XKR4: variants seen among roughly 807,000 people sequenced by gnomAD.
XKR4 encodes the protein XK-related protein 4.
A neutral mutation model predicts 53.9 loss-of-function variants in XKR4; 12 were observed. The ratio of observed to expected loss-of-function variants is 0.22; its 90% CI spans 0.14 to 0.36. The LOEUF is 0.36. Among genes scored for constraint, XKR4 ranks in the 10% least tolerant of loss-of-function variants. XKR4 has a pLI of 1.00. For missense variants in XKR4, 799 were observed against 859.5 expected, an observed-to-expected ratio of 0.93 and a Z score of 0.88; for synonymous variants, 354 against 362.4, an observed-to-expected ratio of 0.98 and a Z score of 0.26.
At chr8:55,334,705 G>C (rs1803433514) in intron 1 of XKR4, among the ~76,000 whole-genome samples, 1 of 152,162 alleles carries the variant, frequency 6.6e-6, no homozygotes, top group Non-Finnish European at 1.5e-5. Context: ...GATGGCCTGA[G>C]ATGTGTATGG....
intron 2 of XKR4, among the ~76,000 whole-genome samples, chr8:55,364,317 G>C (rs1462609523): frequency 6.6e-6 from 1 of 152,126 alleles, no homozygotes; most frequent in Non-Finnish European, 1.5e-5. Flanking sequence ...ACTTTGCCCA[G>C]CACATTCCAC....
chr8:55,523,160 A>T, intron 2 of XKR4, 121 bp from the exon 3 acceptor site: 2 of 831,494 alleles, frequency 2.4e-6, no homozygotes, highest in South Asian at 1.9e-5. Flanking sequence ...AAAAAAAAAG[A>T]AATTAAGAGT....
At chr8:55,451,512 G>T in intron 2 of XKR4, 1 of 1,054,264 alleles carries the variant, frequency 9.5e-7, no homozygotes, top group Non-Finnish European at 1.4e-6. Flanking sequence ...GTGCGTTCTG[G>T]GCCTTAAAGA....
At chr8:55,451,704 A>T in intron 2 of XKR4, 1 of 1,352,494 alleles carries the variant, frequency 7.4e-7, no homozygotes, top group South Asian at 1.2e-5. Flanking sequence ...GGTAGATGGC[A>T]TGCATGCGGT....
intron 1 of XKR4, among the ~76,000 whole-genome samples, chr8:55,125,537 G>GT (rs2129352436): frequency 6.6e-6 from 1 of 152,230 alleles, no homozygotes; most frequent in Admixed American, 6.5e-5. Flanking sequence ...CCCAGCCTTG[G>GT]TTTTTTATTT....
intron 1 of XKR4, among the ~76,000 whole-genome samples, chr8:55,153,449 A>G (rs978749395): frequency 5.3e-5 from 8 of 152,168 alleles, no homozygotes; most frequent in Non-Finnish European, 1.2e-4. Flanking sequence ...ATACACCAAC[A>G]TTTCAGCCTG....
chr8:55,160,814 G>A lies in XKR4; in HGVS notation c.806+57520G>A, dbSNP rs969863685. On this transcript the variant is annotated intron_variant, in intron 1 of 2. Coordinates refer to ENST00000327381, the MANE Select transcript of XKR4 (RefSeq NM_052898.2). ...GGACTGTTACATTTCTCTATTTCTA[G>A]CCCTTATCACAGTGTCTCTGGTATA... 1.1e-4 allele frequency among the ~76,000 whole-genome samples: 17 copies of A among 152,250 alleles called. 1 individual carries two copies. Among genetic ancestry groups the A allele is most frequent in the Admixed American group, 8.5e-4 (13 of 15,288 alleles).
intron 2 of XKR4, among the ~76,000 whole-genome samples, chr8:55,477,235 A>G (rs2129400749): frequency 6.6e-6 from 1 of 152,192 alleles, no homozygotes. Context: ...GTTCACCAAG[A>G]TCCGCTGTCC....
rs1806893325 is a variant in XKR4, at chr8:55,527,333, G to GCA, written c.*3107_*3108dup. ...ATTGGAAATGCTGGGTTCCTTATCT[G>GCA]CAGGCTCCTTTCTGTGTCTGAGTCC... is the stretch of plus-strand genomic sequence containing the variant. On this transcript the variant is annotated 3_prime_UTR_variant, in exon 3 of 3. Transcript: ENST00000327381. 1 of 152,204 alleles carries GCA rather than the reference G, an allele frequency of 6.6e-6. No homozygotes were observed. Among genetic ancestry groups the GCA allele is most frequent in the African/African-American group, 2.4e-5 (1 of 41,462 alleles). 9.4% of individuals were successfully genotyped at this position (152,204 alleles called of 1,614,324 possible). A position where few individuals can be genotyped will look rare whatever the true frequency, so the allele number is the denominator to read the frequency against.
intron 2 of XKR4, among the ~76,000 whole-genome samples, chr8:55,444,424 A>G (rs1219177013): frequency 1.3e-5 from 2 of 152,226 alleles, no homozygotes; most frequent in Admixed American, 6.5e-5. Context: ...ACTTCACAAA[A>G]CAGGAAAGAG....
intron 1 of XKR4, among the ~76,000 whole-genome samples, chr8:55,204,838 T>G (rs1431540688): frequency 6.6e-6 from 1 of 152,144 alleles, no homozygotes; most frequent in Admixed American, 6.5e-5. Flanking sequence ...AATGACAAAA[T>G]GGAAGAGAAT....
At chr8:55,319,505 T>TA (rs1010814977) in intron 1 of XKR4, among the ~76,000 whole-genome samples, 8 of 152,142 alleles carry the variant, frequency 5.3e-5, no homozygotes, top group African/African-American at 1.7e-4. Flanking sequence ...ATTGTAAGGA[T>TA]AAAAAAATGA....
chr8:55,163,837 T>C (rs1817023175), intron 1 of XKR4, among the ~76,000 whole-genome samples: 1 of 152,008 alleles, frequency 6.6e-6, no homozygotes. Context: ...AGAACAAGAC[T>C]CCGTCTCAAA....
rs1453651812 is a variant in XKR4 at position 55,537,490 on chromosome 8, T to C, written c.*13263T>C. 6.6e-6 allele frequency: 1 copy of C among 152,240 alleles called. No individual in the cohort carries two copies. Among genetic ancestry groups the C allele is most frequent in the Non-Finnish European group, 1.5e-5 (1 of 68,044 alleles). 9.4% of individuals were successfully genotyped at this position (152,240 alleles called of 1,614,324 possible). On this transcript the variant is annotated 3_prime_UTR_variant, in exon 3 of 3. Transcript: ENST00000327381. ...GACCAGTTTTCTTTAAGAGCACTTA[T>C]GTTGCAGAACATGATACAAATGATT...
At chr8:55,474,837 C>T (rs1805955101) in intron 2 of XKR4, among the ~76,000 whole-genome samples, 1 of 152,080 alleles carries the variant, frequency 6.6e-6, no homozygotes, top group South Asian at 2.1e-4. Context: ...CACCCAGGCA[C>T]CACATTATCA....
chr8:55,325,790 A>G (rs1803282899), intron 1 of XKR4, among the ~76,000 whole-genome samples: 1 of 152,224 alleles, frequency 6.6e-6, no homozygotes, highest in Non-Finnish European at 1.5e-5. Context: ...ACAATTGTTT[A>G]AAAATTGTCT....
chr8:55,442,658 G>A lies in XKR4; in HGVS notation c.1007-80623G>A, dbSNP rs888111104. On this transcript the variant is annotated intron_variant, in intron 2 of 2. Transcript: ENST00000327381. ...TTACTTAGCCTTAGAAAGGAATGAA[G>A]TACTGATAAATGCCACATGGATAAA... Among the ~76,000 whole-genome samples, 6 of 152,208 alleles carry A rather than the reference G, an allele frequency of 3.9e-5. 1 individual carries two copies. The highest frequency in any genetic ancestry group is 3.9e-4 in the Admixed American group (6 of 15,280).
At chr8:55,496,185 A>T (rs189054672) in intron 2 of XKR4, among the ~76,000 whole-genome samples, 3 of 152,296 alleles carry the variant, frequency 2.0e-5, no homozygotes, top group African/African-American at 7.2e-5. Context: ...GAGTGGAGGG[A>T]GCTGTTCGGG....
intron 1 of XKR4, among the ~76,000 whole-genome samples, chr8:55,327,946 G>A (rs1236373001): frequency 6.6e-6 from 1 of 152,160 alleles, no homozygotes; most frequent in Non-Finnish European, 1.5e-5. Context: ...GTATCTAGTG[G>A]TGATGATGTC....
Sources: gnomAD v4.1 joint callset for allele counts (sites outside exome capture counted in the v4.1 genomes callset) on GRCh38, gnomAD v4.1.1 for gene constraint, MANE v1.5 for transcripts, NCBI Gene and HGNC (gene_info 2026-07-23, HGNC 2026-07-21) for gene names.